Variants in LINGO2 observed in about 807,000 individuals in gnomAD.
LINGO2 encodes the protein leucine rich repeat and Ig domain containing 2.
LINGO2 carries 14 observed loss-of-function variants against 30.6 expected under a neutral mutation model. The ratio of observed to expected loss-of-function variants is 0.46; its 90% CI spans 0.30 to 0.72. LINGO2 has a LOEUF of 0.72. Ranked by LOEUF, LINGO2 falls within the 30% of genes least tolerant of loss-of-function variation. The probability of loss-of-function intolerance (pLI) is 0.07; values close to 1 mark genes in which losing one functional copy is unlikely to be tolerated. For synonymous variants in LINGO2, 317 were observed against 288.5 expected (o/e 1.10, Z -1.00); for missense variants, 729 against 751.7 (o/e 0.97, Z 0.35).
chr9:28,293,921 G>T (rs540352813), intron 4 of LINGO2, among the ~76,000 whole-genome samples: 1 of 152,212 alleles, frequency 6.6e-6, no homozygotes, highest in Admixed American at 6.5e-5. Flanking sequence ...GTGTTTTGAT[G>T]TCCCTTTCAT....
At chr9:29,165,985 T>G in the LINGO2 span, among the ~76,000 whole-genome samples, 1 of 152,226 alleles carries the variant, frequency 6.6e-6, no homozygotes, top group South Asian at 2.1e-4. Context: ...ATACTTAGTG[T>G]ATGTGTCTGT....
At chr9:28,931,037 G>T in the LINGO2 span, among the ~76,000 whole-genome samples, 2 of 152,112 alleles carry the variant, frequency 1.3e-5, no homozygotes, top group Non-Finnish European at 2.9e-5. Flanking sequence ...CACTGTGGAG[G>T]AAAAAACCTC....
intron 4 of LINGO2, chr9:28,149,128 T>C: frequency 6.7e-7 from 1 of 1,500,992 alleles, no homozygotes; most frequent in Non-Finnish European, 9.0e-7. Context: ...GCAACATGTG[T>C]AAGAACATGA....
At chr9:28,932,110 A>AATAAAATAAG in the LINGO2 span, among the ~76,000 whole-genome samples, 2 of 142,656 alleles carry the variant, frequency 1.4e-5, no homozygotes, top group Non-Finnish European at 3.1e-5. Flanking sequence ...CTGACAAAAA[A>AATAAAATAAG]ATAAAATAAA....
chr9:28,959,612 TCACA>T, the LINGO2 span, among the ~76,000 whole-genome samples: 1,330 of 132,182 alleles, frequency 0.01, 9 homozygotes, highest in Non-Finnish European at 0.012. Context: ...TCTCTCTCCC[TCACA>T]CACACACACA....
chr9:28,125,944 C>T (rs192657491), intron 4 of LINGO2, among the ~76,000 whole-genome samples: 1 of 152,288 alleles, frequency 6.6e-6, no homozygotes, highest in East Asian at 1.9e-4. Flanking sequence ...TGAGTACCAA[C>T]CAAACTGCAC....
chr9:28,685,064 C>G, the LINGO2 span, among the ~76,000 whole-genome samples: 1 of 152,140 alleles, frequency 6.6e-6, no homozygotes, highest in Non-Finnish European at 1.5e-5. Flanking sequence ...CCACTTATAA[C>G]TGAGAACATG....
chr9:28,500,256 C>T (rs1819831119), intron 1 of LINGO2, among the ~76,000 whole-genome samples: 1 of 152,136 alleles, frequency 6.6e-6, no homozygotes, highest in East Asian at 1.9e-4. Context: ...CAAGAAAATA[C>T]ACTAGCAACA....
the LINGO2 span, among the ~76,000 whole-genome samples, chr9:28,867,976 T>G: frequency 6.6e-6 from 1 of 152,292 alleles, no homozygotes; most frequent in Non-Finnish European, 1.5e-5. Context: ...ACTTAAACAT[T>G]TTGTAAAAGC....
chr9:28,427,929 G>C (rs747141200), intron 2 of LINGO2, among the ~76,000 whole-genome samples: 1 of 152,024 alleles, frequency 6.6e-6, no homozygotes, highest in Non-Finnish European at 1.5e-5. Context: ...CTTCAATTGA[G>C]ACCCTTGAAA....
chr9:27,948,899 C>T (rs1293548608), exon 6 of LINGO2: 2 of 1,613,700 alleles, frequency 1.2e-6, no homozygotes, highest in African/African-American at 1.3e-5. Context: ...CCTCCCCTTC[C>T]ACAACAGCAC....
chr9:28,570,608 C>CAA (rs5897307), intron 1 of LINGO2, among the ~76,000 whole-genome samples: 34,262 of 142,690 alleles, frequency 0.24, 4,623 homozygotes, highest in African/African-American at 0.37. Flanking sequence ...AAACAGTTTG[C>CAA]AAAAAAAAAA....
chr9:28,544,430 A>T (rs983504981), intron 1 of LINGO2, among the ~76,000 whole-genome samples: 4 of 152,030 alleles, frequency 2.6e-5, no homozygotes, highest in Admixed American at 2.0e-4. Context: ...TGGCCTTTGT[A>T]ACCCACACTG....
At chr9:28,618,810 C>A (rs1826256877) in intron 1 of LINGO2, among the ~76,000 whole-genome samples, 3 of 152,042 alleles carry the variant, frequency 2.0e-5, no homozygotes, top group Admixed American at 1.3e-4. Flanking sequence ...TTATTTACTT[C>A]TATACTTTCT....
At chr9:28,606,410 T>C (rs1325701533) in intron 1 of LINGO2, among the ~76,000 whole-genome samples, 2 of 151,944 alleles carry the variant, frequency 1.3e-5, no homozygotes, top group African/African-American at 4.8e-5. Flanking sequence ...GGAGAATAAA[T>C]GACTTTACTG....
chr9:28,937,700 C>CA, the LINGO2 span, among the ~76,000 whole-genome samples: 1 of 152,266 alleles, frequency 6.6e-6, no homozygotes, highest in East Asian at 1.9e-4. Flanking sequence ...AGGAAGGAGA[C>CA]AGCCTTGCAC....
intron 2 of LINGO2, among the ~76,000 whole-genome samples, chr9:28,456,067 TAACA>T (rs1250254609): frequency 2.0e-5 from 3 of 152,200 alleles, no homozygotes; most frequent in Non-Finnish European, 4.4e-5. Context: ...AAATAATAAC[TAACA>T]TTTTTTAACC....
intron 4 of LINGO2, among the ~76,000 whole-genome samples, chr9:28,198,872 C>A (rs979370994): frequency 5.9e-5 from 9 of 152,154 alleles, no homozygotes; most frequent in African/African-American, 1.9e-4. Context: ...CTTAAATGTC[C>A]CATCCGTTGC....
intron 2 of LINGO2, among the ~76,000 whole-genome samples, 167 bp downstream of exon 4, chr9:28,475,773 A>C (rs998996481): frequency 2.6e-5 from 4 of 152,210 alleles, no homozygotes; most frequent in African/African-American, 9.6e-5. Context: ...AATGTGGTCA[A>C]GTTTCCCATA....
Sources: allele counts gnomAD v4.1 joint callset (sites outside exome capture counted in the v4.1 genomes callset), GRCh38; gene constraint gnomAD v4.1.1; transcripts MANE v1.5; gene names NCBI Gene and HGNC (gene_info 2026-07-23, HGNC 2026-07-21).